BTF3L4: variants seen among roughly 807,000 people sequenced by gnomAD.
BTF3L4 encodes transcription factor BTF3 homolog 4.
Under a neutral mutation model 16.8 loss-of-function variants are expected in BTF3L4, and 6 were observed. That is an observed-to-expected ratio of 0.36 (90% CI 0.20 to 0.71). BTF3L4 has a LOEUF of 0.71. Ranked by LOEUF, BTF3L4 falls within the 30% of genes least tolerant of loss-of-function variation. BTF3L4 has a pLI of 0.58. For synonymous variants in BTF3L4, 39 were observed against 59.8 expected, an observed-to-expected ratio of 0.65 and a Z score of 1.60; for missense variants, 92 against 186.9, an observed-to-expected ratio of 0.49 and a Z score of 2.96.
rs184615291 is a variant in BTF3L4, at chr1:52,087,149, C to A, written c.*391C>A. The A allele has an allele frequency of 3.7e-4, 60 of 160,054 alleles. No individual in the cohort carries two copies. Among genetic ancestry groups the A allele is most frequent in the Non-Finnish European group, 4.5e-4 (33 of 73,096 alleles). The allele number at this position is 160,054 out of a possible 1,614,324, so 9.9% of individuals were successfully genotyped here. ...CCTCCCCAGTAGAAATAAAAAAAATCTTTACATTTGTTACTTTTCTTTTCC... is the reference window on the plus strand; with the variant it reads ...CCTCCCCAGTAGAAATAAAAAAAATATTTACATTTGTTACTTTTCTTTTCC... On this transcript the variant is annotated 3_prime_UTR_variant, in exon 6 of 6. Coordinates refer to ENST00000313334, the MANE Select transcript of BTF3L4 (RefSeq NM_152265.5).
In BTF3L4 at chr1:52,086,735, G is replaced by A; in HGVS notation, c.454G>A (p.Ala152Thr). ...VPDLVENFDE[A>T]SKNEAN ...AGATCTTGTAGAAAATTTTGATGAGGCATCAAAGAATGAAGCTAACTAAAA... is the reference window on the plus strand; with the variant it reads ...AGATCTTGTAGAAAATTTTGATGAGACATCAAAGAATGAAGCTAACTAAAA... Residue 152 changes from alanine (A) to threonine (T), a missense_variant, in exon 6 of 6, where the codon GCA (alanine) becomes ACA (threonine). Ala to Thr is a moderately conservative substitution (Grantham distance 58). Transcript: ENST00000313334. 1 of 1,595,990 alleles carries A rather than the reference G, an allele frequency of 6.3e-7. No individual in the cohort carries two copies. The highest frequency in any genetic ancestry group is 8.5e-7 in the Non-Finnish European group (1 of 1,171,428).
Position 52,089,875 on chromosome 1 carries a change from T to C in BTF3L4, c.*3117T>C, listed in dbSNP as rs1176400022. The C allele has an allele frequency of 6.6e-6, 1 of 152,246 alleles. No individual in the cohort carries two copies. The highest frequency in any genetic ancestry group is 1.9e-4 in the East Asian group (1 of 5,206). 9.4% of individuals were successfully genotyped at this position (152,246 alleles called of 1,614,324 possible). ...CTAGTGCTTACAGGATTCCATTAAA[T>C]TCACTTTAATAAGCCTATGAAGTTC... On this transcript the variant is annotated 3_prime_UTR_variant, in exon 6 of 6. Coordinates refer to ENST00000313334, the MANE Select transcript of BTF3L4 (RefSeq NM_152265.5).
At chr1:52,084,253 C>G (rs1409740012) in intron 4 of BTF3L4, among the ~76,000 whole-genome samples, 1 of 152,080 alleles carries the variant, frequency 6.6e-6, no homozygotes, top group East Asian at 1.9e-4. Flanking sequence ...AATTTTCATG[C>G]CTCAGCCTCC....
intron 3 of BTF3L4, among the ~76,000 whole-genome samples, chr1:52,074,076 G>T (rs1379776335): frequency 6.6e-6 from 1 of 152,094 alleles, no homozygotes; most frequent in Admixed American, 6.6e-5. Context: ...GAGGCAGGAG[G>T]ATACTTTGAG....
chr1:52,066,647 TC>T (rs1686657891), intron 3 of BTF3L4, among the ~76,000 whole-genome samples: 1 of 148,206 alleles, frequency 6.7e-6, no homozygotes, highest in Admixed American at 6.7e-5. Flanking sequence ...ATCGAGACCA[TC>T]CTGGCTAACA....
intron 2 of BTF3L4, among the ~76,000 whole-genome samples, chr1:52,062,022 C>T (rs1191343071): frequency 1.3e-5 from 2 of 151,632 alleles, no homozygotes; most frequent in Admixed American, 6.6e-5. Flanking sequence ...CTGCAATCTC[C>T]GCCTCCCAGG....
At chr1:52,069,832 G>A (rs1686739648) in intron 3 of BTF3L4, among the ~76,000 whole-genome samples, 1 of 152,158 alleles carries the variant, frequency 6.6e-6, no homozygotes, top group South Asian at 2.1e-4. Context: ...TGTCAGTACT[G>A]AATGTCACTA....
chr1:52,065,718 T>C (rs981817649), intron 3 of BTF3L4, among the ~76,000 whole-genome samples: 1 of 152,172 alleles, frequency 6.6e-6, no homozygotes, highest in Non-Finnish European at 1.5e-5. Context: ...AGATTTCTTA[T>C]TAAAACTGTT....
intron 2 of BTF3L4, among the ~76,000 whole-genome samples, chr1:52,062,594 T>A (rs1686543920): frequency 6.6e-6 from 1 of 152,156 alleles, no homozygotes; most frequent in South Asian, 2.1e-4. Flanking sequence ...TTATATGCCA[T>A]ACTAAGGAGC....
At chr1:52,061,490 A>T (rs990687835) in intron 2 of BTF3L4, among the ~76,000 whole-genome samples, 1 of 150,428 alleles carries the variant, frequency 6.6e-6, no homozygotes, top group Non-Finnish European at 1.5e-5. Context: ...TCCGTCTCAA[A>T]AAAAAAAAAA....
intron 3 of BTF3L4, among the ~76,000 whole-genome samples, chr1:52,071,718 C>T (rs1686790851): frequency 6.6e-6 from 1 of 152,084 alleles, no homozygotes; most frequent in Non-Finnish European, 1.5e-5. Context: ...TTTTTCTGAA[C>T]CAGTTGTACA....
intron 1 of BTF3L4, among the ~76,000 whole-genome samples, chr1:52,058,663 A>G (rs1360981341): frequency 2.0e-5 from 3 of 150,858 alleles, no homozygotes; most frequent in Admixed American, 6.6e-5. Flanking sequence ...GTGCAATGGC[A>G]TGATCTTGGC....
chr1:52,076,634 C>T (rs1445438289), intron 3 of BTF3L4, among the ~76,000 whole-genome samples: 1 of 151,772 alleles, frequency 6.6e-6, no homozygotes, highest in African/African-American at 2.4e-5. Context: ...AGACTTGTCA[C>T]CAGAGAATAA....
At chr1:52,062,839 G>A (rs1686553996) in intron 2 of BTF3L4, among the ~76,000 whole-genome samples, 1 of 152,196 alleles carries the variant, frequency 6.6e-6, no homozygotes, top group African/African-American at 2.4e-5. Flanking sequence ...GGAGGATGAT[G>A]GTTTTGGGAT....
chr1:52,075,692 ACT>A (rs1389092290), intron 3 of BTF3L4, among the ~76,000 whole-genome samples: 2 of 150,778 alleles, frequency 1.3e-5, no homozygotes, highest in African/African-American at 2.4e-5. Flanking sequence ...AGTTCTTTCA[ACT>A]CTCTTGTTGC....
chr1:52,083,562 A>T, intron 4 of BTF3L4, 21 bp downstream of exon 4: 1 of 1,587,332 alleles, frequency 6.3e-7, no homozygotes, highest in Non-Finnish European at 8.6e-7. Context: ...CAATTTAGTA[A>T]ATCTTTCTCT....
chr1:52,056,778 A>G (rs1245999293), intron 1 of BTF3L4, among the ~76,000 whole-genome samples: 1 of 152,188 alleles, frequency 6.6e-6, no homozygotes. Flanking sequence ...AGCTGAGGTT[A>G]CCACTTCCCG....
chr1:52,075,390 C>T (rs536571590), intron 3 of BTF3L4, among the ~76,000 whole-genome samples: 1 of 150,896 alleles, frequency 6.6e-6, no homozygotes, highest in African/African-American at 2.4e-5. Flanking sequence ...CGTGGTGGCA[C>T]GCTCCTGTAG....
intron 3 of BTF3L4, among the ~76,000 whole-genome samples, chr1:52,082,390 C>A (rs1267353166): frequency 2.6e-5 from 4 of 152,092 alleles, no homozygotes; most frequent in African/African-American, 4.8e-5. Flanking sequence ...GGGACAATTT[C>A]TTTGACCTTT....
Sources: gnomAD v4.1 joint callset for allele counts (sites outside exome capture counted in the v4.1 genomes callset) on GRCh38, gnomAD v4.1.1 for gene constraint, MANE v1.5 for transcripts, NCBI Gene and HGNC (gene_info 2026-07-23, HGNC 2026-07-21) for gene names.